CIC: variants seen among roughly 807,000 people sequenced by gnomAD.
CIC encodes the protein capicua transcriptional repressor, also known as protein capicua homolog.
In CIC, 18 loss-of-function variants were observed where a neutral mutation model predicts 115.7. That is an observed-to-expected ratio of 0.16 (90% confidence interval 0.11 to 0.23). The LOEUF (loss-of-function observed/expected upper bound fraction) is 0.23, where lower values mean the gene tolerates loss of function less well. Ranked by LOEUF, CIC falls within the 10% of genes least tolerant of loss-of-function variation. The probability of loss-of-function intolerance (pLI) is 1.00; values close to 1 mark genes in which losing one functional copy is unlikely to be tolerated. For synonymous variants in CIC, 1,076 were observed against 923.0 expected, an observed-to-expected ratio of 1.17 and a Z score of -3.01; for missense variants, 2,000 against 2,159.3, an observed-to-expected ratio of 0.93 and a Z score of 1.46.
In CIC at chr19:42,290,367, C is replaced by T. The variant is rs543547547; in HGVS notation, c.4326C>T (p.Ser1442=). Residue 1442 remains serine, a synonymous_variant, in exon 11 of 21, where the codon TCC becomes TCT. Coordinates refer to ENST00000681038, the MANE Select transcript of CIC (RefSeq NM_001386298.1). ...AFGKGYGSAP[S]SSASSPASSS... Reference sequence around the variant, plus strand: ...GCAAAGGCTATGGTTCCGCCCCATCCTCCTCTGCGTCCTCGCCTGCTTCCT... The same window carrying T: ...GCAAAGGCTATGGTTCCGCCCCATCTTCCTCTGCGTCCTCGCCTGCTTCCT... 1.8e-4 allele frequency: 298 copies of T among 1,614,060 alleles called. 4 individuals carry two copies. In the Admixed American group the frequency reaches 4.8e-3, roughly 26 times the overall value.
intron 7 of CIC, 58 bp from the exon 8 acceptor site, chr19:42,288,830 A>G (rs759910184): frequency 6.0e-5 from 90 of 1,493,692 alleles, no homozygotes; most frequent in Non-Finnish European, 8.2e-5. Flanking sequence ...TTGTTGGGCC[A>G]GTCTAGGTGC....
At position 42,295,269 on chromosome 19, in the gene CIC, C is replaced by A; in HGVS notation, c.*78C>A. 1 of 1,310,320 alleles carries A rather than the reference C, an allele frequency of 7.6e-7. No homozygotes were observed. Among genetic ancestry groups the A allele is most frequent in the Non-Finnish European group, 1.1e-6 (1 of 949,236 alleles). 81.2% of individuals were successfully genotyped at this position (1,310,320 alleles called of 1,614,324 possible). On this transcript the variant is annotated 3_prime_UTR_variant, in exon 21 of 21. Transcript: ENST00000681038. The stretch of plus-strand genomic sequence containing the variant: ...GTATGTGGGGGCAGGAAGGTTATCT[C>A]CTCCCGGGTAAAGCCATTTCGTCCT...
chr19:42,289,064 A>C lies in CIC; in HGVS notation c.3835A>C (p.Ser1279Arg), dbSNP rs763266829. 2 of 1,613,672 alleles carry C rather than the reference A, an allele frequency of 1.2e-6. No homozygotes were observed. Among genetic ancestry groups the C allele is most frequent in the Admixed American group, 3.3e-5 (2 of 60,024 alleles). ...CAGCCTGGACGGCGGAGAAGTAGAC[A>C]GTCAGGCGCTACAGGAACTGACGCA... Reference protein sequence around the residue: ...VHSLDGGEVDSQALQELTQMV... With the variant: ...VHSLDGGEVDRQALQELTQMV... The change falls in exon 8 of 21, where the codon AGT becomes CGT. Residue 1279 changes from serine (S) to arginine (R), a missense_variant. This residue lies in a region of CIC where 1,466 missense variants were observed against 1,390.4 expected (regional missense o/e 1.05). Transcript: ENST00000681038.
intron 2 of CIC, among the ~76,000 whole-genome samples, chr19:42,285,443 A>G (rs758517279): frequency 7.9e-5 from 12 of 152,134 alleles, no homozygotes; most frequent in Non-Finnish European, 7.4e-5. Flanking sequence ...GGGTCATCGT[A>G]GTCTTGAGTG....
At position 42,292,283 on chromosome 19, in the gene CIC, T is replaced by TTCC; in HGVS notation, c.5736-14_5736-12dup. The TTCC allele has an allele frequency of 1.2e-6, 2 of 1,613,304 alleles. No homozygotes were observed. The highest frequency in any genetic ancestry group is 1.7e-6 in the Non-Finnish European group (2 of 1,179,972). Reference sequence around the variant, plus strand: ...GCCGGCTTACCTCACTCCTCCCCATTTCCTCTCCTGCGGCAGAATCACCTA... The same window carrying TTCC: ...GCCGGCTTACCTCACTCCTCCCCATTTCCTCCTCTCCTGCGGCAGAATCACCTA... On this transcript the variant is annotated splice_polypyrimidine_tract_variant and intron_variant, in intron 13 of 20. Transcript: ENST00000681038.
At chr19:42,274,942 C>A (rs2036914929) in intron 2 of CIC, among the ~76,000 whole-genome samples, 1 of 152,180 alleles carries the variant, frequency 6.6e-6, no homozygotes, top group South Asian at 2.1e-4. Flanking sequence ...CCATGGTAAG[C>A]ACTGCGTGTA....
At position 42,292,847 on chromosome 19, in the gene CIC, C is replaced by T. The variant is rs972439778; in HGVS notation, c.6184C>T (p.Pro2062Ser). ...CACCCCAGCCCCGACTAGCCCTTTC[C>T]CCAGCGCCACAGGTAGGTGTCAGAT... Reference protein sequence around the residue: ...TATPAPTSPFPSATAGSMTYS... With the variant: ...TATPAPTSPFSSATAGSMTYS... Residue 2062 changes from proline (P) to serine (S), a missense_variant, in exon 15 of 21, where the codon CCC (proline) becomes TCC (serine). Around this residue, in one of 8 missense-constraint regions of CIC, gnomAD observed 1,466 missense variants for 1,390.4 expected, o/e 1.05. Transcript: ENST00000681038. 17 of 1,613,816 alleles carry T rather than the reference C, an allele frequency of 1.1e-5. No homozygotes were observed. Among genetic ancestry groups the T allele is most frequent in the Non-Finnish European group, 1.3e-5 (15 of 1,180,018 alleles).
At position 42,293,953 on chromosome 19, in the gene CIC, G is replaced by A. The variant is rs1489527274; in HGVS notation, c.6786G>A (p.Val2262=). The A allele has an allele frequency of 3.1e-6, 5 of 1,613,410 alleles. No individual in the cohort carries two copies. The highest frequency in any genetic ancestry group is 4.2e-6 in the Non-Finnish European group (5 of 1,180,000). Residue 2262 remains valine, a synonymous_variant, in exon 18 of 21, where the codon GTG becomes GTA. Transcript: ENST00000681038. ...DSVDNRVLSE[V]DFEERFAELP... is the part of the protein sequence containing the mutation. ...CCTCCAGCAGGGTCCTGTCAGAAGT[G>A]GACTTCGAAGAGCGCTTTGCTGAGT...
intron 1 of CIC, among the ~76,000 whole-genome samples, chr19:42,271,084 G>C (rs909579554): frequency 1.3e-5 from 2 of 152,104 alleles, no homozygotes; most frequent in African/African-American, 4.8e-5. Flanking sequence ...GGGAGGGTGG[G>C]GGGGTGGAGA....
In CIC at chr19:42,294,211, C is replaced by T. The variant is rs1482300580; in HGVS notation, c.6961C>T (p.Arg2321Cys). 3 of 1,613,720 alleles carry T rather than the reference C, an allele frequency of 1.9e-6. No homozygotes were observed. Among genetic ancestry groups the T allele is most frequent in the Non-Finnish European group, 1.7e-6 (2 of 1,180,018 alleles). Residue 2321 changes from arginine to cysteine, a missense_variant, in exon 19 of 21, where the codon CGC (arginine) becomes TGC (cysteine). By Grantham distance (180) the Arg-to-Cys change is radical. Transcript: ENST00000681038. ...SAPEDPTSPK[R>C]KMRRRSSCSS... ...ACCCGAGGACCCCACCTCGCCCAAG[C>T]GCAAGATGAGAAGACGCTCCAGCTG...
At chr19:42,284,858 G>C in intron 2 of CIC, 6 of 1,184,608 alleles carry the variant, frequency 5.1e-6, no homozygotes, top group Non-Finnish European at 7.3e-6. Context: ...TATAGTAGGG[G>C]AGAGAACAGT....
chr19:42,280,436 C>G lies in CIC; in HGVS notation c.2794+5859C>G, dbSNP rs1311698000. Among the ~76,000 whole-genome samples the G allele has an allele frequency of 6.6e-6, 1 of 152,124 alleles. No individual in the cohort carries two copies. Among genetic ancestry groups the G allele is most frequent in the African/African-American group, 2.4e-5 (1 of 41,430 alleles). ...CGCTGGCACCTAGGGGTGTGGGTTC[C>G]CGCGCGCCCCTGGGTGCAGACCTCC... On this transcript the variant is annotated intron_variant, in intron 2 of 20. Transcript: ENST00000681038. This position sits in a 1 kb window ranked among gnomAD's most constrained non-coding sequence, Gnocchi z 4.9.
Position 42,295,010 on chromosome 19 carries a change from C to T in CIC, c.7373C>T (p.Pro2458Leu), listed in dbSNP as rs775743872. ...PPTGTAAAPA[P>L]TPSPAGGPDP... ...ACTGGCACCGCTGCTGCCCCTGCCC[C>T]CACTCCCAGCCCCGCAGGGGGCCCT... Residue 2458 changes from proline (P) to leucine (L), a missense_variant, in exon 21 of 21, where the codon CCC becomes CTC. Physicochemically the swap from Pro to Leu is moderately conservative, Grantham distance 98. Coordinates refer to ENST00000681038, the MANE Select transcript of CIC (RefSeq NM_001386298.1). 6.3e-7 allele frequency: 1 copy of T among 1,593,026 alleles called. No homozygotes were observed. Among genetic ancestry groups the T allele is most frequent in the Admixed American group, 1.7e-5 (1 of 59,302 alleles).
At chr19:42,289,790 T>C (rs1599906840) in intron 9 of CIC, 58 bp from the exon 10 acceptor site, 1 of 1,397,514 alleles carries the variant, frequency 7.2e-7, no homozygotes, top group East Asian at 2.5e-5. Context: ...CCAGACTGTT[T>C]CTCCTGGGTC....
In CIC at chr19:42,292,646, G is replaced by T; in HGVS notation, c.5983G>T (p.Ala1995Ser). Reference protein sequence around the residue: ...PSPQLPPACAAPGGPVITAFY... With the variant: ...PSPQLPPACASPGGPVITAFY... ...TCCCCAGCTGCCGCCTGCCTGTGCA[G>T]CCCCCGGAGGTCCTGTCATAACAGC... Residue 1995 changes from alanine to serine, a missense_variant, in exon 15 of 21, where the codon GCC (alanine) becomes TCC (serine). By Grantham distance (99) the Ala-to-Ser change is moderately conservative. Around this residue, in one of 8 missense-constraint regions of CIC, gnomAD observed 1,466 missense variants for 1,390.4 expected, o/e 1.05. Coordinates refer to ENST00000681038, the MANE Select transcript of CIC (RefSeq NM_001386298.1). 6.2e-7 allele frequency: 1 copy of T among 1,613,738 alleles called. No individual in the cohort carries two copies.
chr19:42,288,788 G>T, intron 7 of CIC, 100 bp from the exon 8 acceptor site: 1 of 1,079,508 alleles, frequency 9.3e-7, no homozygotes, highest in Non-Finnish European at 1.4e-6. Context: ...ATTCCAGCCT[G>T]CTTCTGCCTA....
At chr19:42,293,517 C>G (rs2038302449) in intron 16 of CIC, 75 bp from the exon 17 acceptor site, 1 of 1,609,038 alleles carries the variant, frequency 6.2e-7, no homozygotes, top group Admixed American at 1.7e-5. Flanking sequence ...GGCTCAGATC[C>G]AACTCTTTGT....
In CIC at chr19:42,295,031, G is replaced by A. The variant is rs1414627597; in HGVS notation, c.7394G>A (p.Gly2465Asp). ...APAPTPSPAG[G>D]PDPTSPSSDS... ...GCCCCCACTCCCAGCCCCGCAGGGG[G>A]CCCTGACCCCACCTCACCCAGCTCG... Residue 2465 changes from glycine to aspartate, a missense_variant, in exon 21 of 21, where the codon GGC becomes GAC. By Grantham distance (94) the Gly-to-Asp change is moderately conservative. Around this residue, in one of 8 missense-constraint regions of CIC, gnomAD observed 133 missense variants for 116.0 expected, o/e 1.15. Coordinates refer to ENST00000681038, the MANE Select transcript of CIC (RefSeq NM_001386298.1). 8 of 1,574,082 alleles carry A rather than the reference G, an allele frequency of 5.1e-6. No individual in the cohort carries two copies. Among genetic ancestry groups the A allele is most frequent in the Non-Finnish European group, 6.9e-6 (8 of 1,167,380 alleles).
In CIC at chr19:42,287,478, A is replaced by T. The variant is rs773981943; in HGVS notation, c.3309+29A>T. 5.0e-6 allele frequency: 8 copies of T among 1,611,860 alleles called. No homozygotes were observed. The highest frequency in any genetic ancestry group is 5.9e-6 in the Non-Finnish European group (7 of 1,179,976). Reference sequence around the variant, plus strand: ...CTTTATCCCTGCCTGTCCTGTGCTCACCCCGTGGCCACCCACACCTGTCTG... The same window carrying T: ...CTTTATCCCTGCCTGTCCTGTGCTCTCCCCGTGGCCACCCACACCTGTCTG... On this transcript the variant is annotated intron_variant, in intron 5 of 20. Coordinates refer to ENST00000681038, the MANE Select transcript of CIC (RefSeq NM_001386298.1). This position sits in a 1 kb window ranked among gnomAD's most constrained non-coding sequence, Gnocchi z 8.7.
Sources: gnomAD v4.1 joint callset for allele counts (sites outside exome capture counted in the v4.1 genomes callset) on GRCh38, gnomAD v4.1.1 for gene constraint, gnomAD v4.1.1 regional missense constraint, Gnocchi (gnomAD v3.1) non-coding constraint, MANE v1.5 for transcripts, NCBI Gene and HGNC (gene_info 2026-07-23, HGNC 2026-07-21) for gene names.